The following ANKS1A variants were observed in gnomAD, a reference collection of about 807,000 sequenced individuals.
ANKS1A encodes the protein ankyrin repeat and sterile alpha motif domain containing 1A.
Under a neutral mutation model 120.3 loss-of-function variants are expected in ANKS1A, and 55 were observed. That is an observed-to-expected ratio of 0.46 (90% CI 0.37 to 0.57). The LOEUF is 0.57. Among genes scored for constraint, ANKS1A ranks in the 20% least tolerant of loss-of-function variants. The pLI, the probability that ANKS1A is intolerant of heterozygous loss-of-function variation, is 0.00. For missense variants in ANKS1A, 1,123 were observed against 1,480.3 expected (o/e 0.76, Z 3.96); for synonymous variants, 590 against 604.7 (o/e 0.98, Z 0.36).
intron 10 of ANKS1A, among the ~76,000 whole-genome samples, chr6:34,997,861 G>A (rs941481347): frequency 1.3e-5 from 2 of 152,224 alleles, no homozygotes; most frequent in Non-Finnish European, 2.9e-5. Context: ...AGATCGTCAG[G>A]TTAAGGAAGG....
chr6:34,985,176 C>T lies in ANKS1A; in HGVS notation c.1107C>T (p.Ser369=), dbSNP rs761012008. Residue 369 remains serine, a synonymous_variant, in exon 8 of 24, where the codon TCC becomes TCT. Transcript: ENST00000360359. Reference sequence around the variant, plus strand: ...ACGAAGCTCTGTATAATGCCATCTCCTGCCATTCGTTGGACAGCATGGCCA... The same window carrying T: ...ACGAAGCTCTGTATAATGCCATCTCTTGCCATTCGTTGGACAGCATGGCCA... ...GPYEALYNAI[S]CHSLDSMASG... 1.9e-6 allele frequency: 3 copies of T among 1,614,218 alleles called. No homozygotes were observed. The highest frequency in any genetic ancestry group is 2.7e-5 in the African/African-American group (2 of 75,064).
At chr6:35,081,228 A>G (rs991858504) in intron 17 of ANKS1A, 70 bp downstream of exon 17, 2 of 1,482,024 alleles carry the variant, frequency 1.3e-6, no homozygotes, top group Non-Finnish European at 1.8e-6. Flanking sequence ...GGCCTCCCAG[A>G]ACCACCTGCT....
At chr6:34,978,855 C>T (rs1304478325) in intron 3 of ANKS1A, among the ~76,000 whole-genome samples, 2 of 150,230 alleles carry the variant, frequency 1.3e-5, no homozygotes, top group Non-Finnish European at 3.0e-5. Context: ...CTCTGAGGTG[C>T]TACTTTGGCA....
chr6:35,055,920 C>A (rs1177426494), intron 12 of ANKS1A, among the ~76,000 whole-genome samples: 1 of 152,228 alleles, frequency 6.6e-6, no homozygotes, highest in Non-Finnish European at 1.5e-5. Flanking sequence ...CCATCTCACA[C>A]TCTGTTGTAG....
chr6:35,006,408 A>G (rs1773459135), intron 10 of ANKS1A, among the ~76,000 whole-genome samples: 2 of 152,028 alleles, frequency 1.3e-5, no homozygotes, highest in African/African-American at 2.4e-5. Flanking sequence ...AATGCTTGAG[A>G]GTATGGATGC....
chr6:34,903,231 T>G, intron 1 of ANKS1A, among the ~76,000 whole-genome samples: 1 of 152,176 alleles, frequency 6.6e-6, no homozygotes, highest in Non-Finnish European at 1.5e-5. Flanking sequence ...GTGTTTTTTA[T>G]CCTAATATTG....
chr6:35,037,110 CAT>C (rs1472003658), intron 11 of ANKS1A, among the ~76,000 whole-genome samples: 2 of 152,194 alleles, frequency 1.3e-5, no homozygotes. Context: ...TTTTATCTGA[CAT>C]ATTTAATATA....
At position 34,994,353 on chromosome 6, in the gene ANKS1A, G is replaced by A. The variant is rs777690613; in HGVS notation, c.1354G>A (p.Glu452Lys). ...TGGGAGTGCAGCCCGGGAAGAAGAC[G>A]AACACCCTTATGAACTGTTGTTAAC... ...IHGSAAREED[E>K]HPYELLLTAE... Residue 452 changes from glutamate to lysine, a missense_variant, in exon 10 of 24, where the codon GAA (glutamate) becomes AAA (lysine). Physicochemically the swap from Glu to Lys is moderately conservative, Grantham distance 56 (BLOSUM62 1). This residue lies in a region of ANKS1A where 904 missense variants were observed against 1,130.4 expected (regional missense o/e 0.80). Transcript: ENST00000360359. The A allele has an allele frequency of 8.1e-6, 13 of 1,613,584 alleles. No homozygotes were observed. Among genetic ancestry groups the A allele is most frequent in the South Asian group, 2.2e-5 (2 of 91,042 alleles).
chr6:34,890,433 T>C (rs932208846), intron 1 of ANKS1A, among the ~76,000 whole-genome samples: 2 of 152,242 alleles, frequency 1.3e-5, no homozygotes, highest in Non-Finnish European at 2.9e-5. Flanking sequence ...TGTATCATTT[T>C]CAAGATGTTC....
At chr6:34,962,622 C>T (rs1770695427) in intron 1 of ANKS1A, among the ~76,000 whole-genome samples, 1 of 151,768 alleles carries the variant, frequency 6.6e-6, no homozygotes, top group Non-Finnish European at 1.5e-5. Flanking sequence ...CCCATCTCTA[C>T]TAAAAATACA....
chr6:35,070,876 G>A (rs748729690), intron 13 of ANKS1A: 2 of 629,694 alleles, frequency 3.2e-6, no homozygotes, highest in Non-Finnish European at 5.8e-6. Context: ...TTCATTTCTT[G>A]CATTTGAAGG....
intron 1 of ANKS1A, among the ~76,000 whole-genome samples, chr6:34,908,042 A>G (rs1032909188): frequency 6.6e-6 from 1 of 152,294 alleles, no homozygotes; most frequent in African/African-American, 2.4e-5. Flanking sequence ...AAAAAAAAGA[A>G]CAGTGGCTGG....
chr6:34,985,259 A>C lies in ANKS1A; in HGVS notation c.1190A>C (p.Lys397Thr). The change falls in exon 8 of 24, where the codon AAA (lysine) becomes ACA (threonine). Residue 397 changes from lysine (K) to threonine (T), a missense_variant. By Grantham distance (78) the Lys-to-Thr change is moderately conservative (BLOSUM62 -1). Transcript: ENST00000360359. ...AAGGAGGCTGAGGCAGCAGGAGTGA[A>C]ACCTGCTGGAGTGAGGCCTGTATGT... is the stretch of plus-strand genomic sequence containing the variant. The part of the protein sequence containing the change: ...TNKEAEAAGV[K>T]PAGVRPRERP... 6.2e-7 allele frequency: 1 copy of C among 1,613,876 alleles called. No individual in the cohort carries two copies.
At chr6:34,928,344 A>G (rs975304283) in intron 1 of ANKS1A, among the ~76,000 whole-genome samples, 7 of 152,150 alleles carry the variant, frequency 4.6e-5, no homozygotes, top group African/African-American at 1.7e-4. Flanking sequence ...TCGGAGCTTC[A>G]TGCTCAGAAT....
chr6:34,921,984 C>G (rs1269521745), intron 1 of ANKS1A, among the ~76,000 whole-genome samples: 1 of 151,358 alleles, frequency 6.6e-6, no homozygotes, highest in Non-Finnish European at 1.5e-5. Context: ...GTGTGAGCCA[C>G]TGCTTCTAGC....
At chr6:34,961,833 C>T (rs1055558629) in intron 1 of ANKS1A, among the ~76,000 whole-genome samples, 3 of 152,180 alleles carry the variant, frequency 2.0e-5, no homozygotes, top group East Asian at 1.9e-4. Flanking sequence ...CTAGTCATCG[C>T]GTTGCTGCTG....
chr6:34,970,422 G>T (rs1332663114), intron 3 of ANKS1A, among the ~76,000 whole-genome samples: 1 of 151,994 alleles, frequency 6.6e-6, no homozygotes, highest in Non-Finnish European at 1.5e-5. Context: ...TGCATATTTG[G>T]AATAGTACTA....
intron 11 of ANKS1A, among the ~76,000 whole-genome samples, chr6:35,023,360 T>C (rs886557454): frequency 6.6e-6 from 1 of 152,172 alleles, no homozygotes; most frequent in Non-Finnish European, 1.5e-5. Flanking sequence ...TGAGCAAGCA[T>C]AGATGGCTGT....
chr6:34,951,772 A>G (rs1379383440), intron 1 of ANKS1A, among the ~76,000 whole-genome samples: 1 of 152,240 alleles, frequency 6.6e-6, no homozygotes, highest in Non-Finnish European at 1.5e-5. Flanking sequence ...TACCTTAAGT[A>G]ACAGACTTTG....
Sources: gnomAD v4.1 joint callset for allele counts (sites outside exome capture counted in the v4.1 genomes callset) on GRCh38, gnomAD v4.1.1 for gene constraint, gnomAD v4.1.1 regional missense constraint, MANE v1.5 for transcripts, NCBI Gene and HGNC (gene_info 2026-07-23, HGNC 2026-07-21) for gene names.